The following AMBRA1 variants were observed in gnomAD, a reference collection of about 807,000 sequenced individuals.
AMBRA1 encodes activating molecule in BECN1-regulated autophagy protein 1.
A neutral mutation model predicts 125.4 loss-of-function variants in AMBRA1; 47 were observed. The ratio of observed to expected loss-of-function variants is 0.37; its 90% CI spans 0.30 to 0.48. The LOEUF is 0.48. AMBRA1 is among the 20% of genes least tolerant of loss of function. The pLI, the probability that AMBRA1 is intolerant of heterozygous loss-of-function variation, is 0.99. For missense variants in AMBRA1, 1,331 were observed against 1,693.4 expected (o/e 0.79, Z 3.76); for synonymous variants, 626 against 655.5 (o/e 0.95, Z 0.69).
At chr11:46,470,950 G>A (rs982063274) in intron 11 of AMBRA1, among the ~76,000 whole-genome samples, 1 of 152,154 alleles carries the variant, frequency 6.6e-6, no homozygotes, top group African/African-American at 2.4e-5. Flanking sequence ...TCACCATATA[G>A]TATGTTAAAT....
chr11:46,551,645 C>T (rs1324706193), intron 1 of AMBRA1, among the ~76,000 whole-genome samples: 3 of 152,216 alleles, frequency 2.0e-5, no homozygotes, highest in African/African-American at 4.8e-5. Context: ...CCAAGGTGGG[C>T]GGATCACCTG....
Position 46,508,300 on chromosome 11 carries a change from G to A in AMBRA1, c.2230C>T (p.Arg744Cys). 3.1e-6 allele frequency: 5 copies of A among 1,614,198 alleles called. No homozygotes were observed. Among genetic ancestry groups the A allele is most frequent in the African/African-American group, 1.3e-5 (1 of 75,056 alleles). The change falls in exon 9 of 18, where the codon CGC (arginine) becomes TGC (cysteine). Residue 744 changes from arginine to cysteine, a missense_variant. Transcript: ENST00000683756. ...YLSRRDSIRQ[R>C]SMRYQQNRLR... ...CGGTTCTGTTGGTAGCGCATGGAGC[G>A]CTGGCGAATACTGTCTCTCCGTGAG...
intron 16 of AMBRA1, 104 bp downstream of exon 16, chr11:46,410,172 G>T: frequency 1.0e-6 from 1 of 988,868 alleles, no homozygotes; most frequent in Non-Finnish European, 1.6e-6. Context: ...CTCTGGTTGA[G>T]GAGGGACCCA....
At position 46,397,373 on chromosome 11, in the gene AMBRA1, T is replaced by C; in HGVS notation, c.*77A>G. The C allele has an allele frequency of 4.9e-6, 7 of 1,416,560 alleles. No homozygotes were observed. Among genetic ancestry groups the C allele is most frequent in the Non-Finnish European group, 6.5e-6 (7 of 1,084,306 alleles). 87.7% of individuals were successfully genotyped at this position (1,416,560 alleles called of 1,614,324 possible). On this transcript the variant is annotated 3_prime_UTR_variant, in exon 18 of 18. Coordinates refer to ENST00000683756, the MANE Select transcript of AMBRA1 (RefSeq NM_001387011.1). ...TGATGCAGCCAGCAGCTCTTCCACATGTCCAGTTCCCAGTCAGCTGTGAGG... is the reference window on the plus strand; with the variant it reads ...TGATGCAGCCAGCAGCTCTTCCACACGTCCAGTTCCCAGTCAGCTGTGAGG...
intron 7 of AMBRA1, among the ~76,000 whole-genome samples, chr11:46,513,398 C>T (rs1197876278): frequency 6.6e-6 from 1 of 151,786 alleles, no homozygotes; most frequent in Non-Finnish European, 1.5e-5. Context: ...ATAATCTAGC[C>T]CAATAACAAA....
chr11:46,531,349 C>G (rs1160980765), intron 7 of AMBRA1, among the ~76,000 whole-genome samples: 1 of 152,208 alleles, frequency 6.6e-6, no homozygotes, highest in East Asian at 1.9e-4. Context: ...GCAGGGAACA[C>G]ACACAGAATT....
chr11:46,561,191 G>C (rs1050444006), intron 1 of AMBRA1, among the ~76,000 whole-genome samples: 3 of 152,106 alleles, frequency 2.0e-5, no homozygotes, highest in Non-Finnish European at 2.9e-5. Context: ...GACTAGCCTG[G>C]CCAACACGGT....
chr11:46,503,365 T>G (rs894591625), intron 9 of AMBRA1, among the ~76,000 whole-genome samples: 3 of 152,170 alleles, frequency 2.0e-5, no homozygotes, highest in African/African-American at 7.2e-5. Context: ...AGTCAAAATA[T>G]ATACAACATT....
Position 46,553,597 on chromosome 11 carries a change from T to C in AMBRA1, c.-120-5097A>G, listed in dbSNP as rs148887354. On this transcript the variant is annotated intron_variant, in intron 1 of 17. Transcript: ENST00000683756. The stretch of plus-strand genomic sequence containing the variant: ...CTGTCTCTACTAAAAATACAAAAAT[T>C]AGCCAGGCGTGGTAGCTCATGCCTG... Among the ~76,000 whole-genome samples the C allele has an allele frequency of 2.0e-4, 30 of 151,998 alleles. No individual in the cohort carries two copies. The East Asian group carries it at 3.9e-3, about 20-fold the overall frequency.
In AMBRA1 at chr11:46,547,463, T is replaced by C. The variant is rs2042861059; in HGVS notation, c.195-167A>G. On this transcript the variant is annotated intron_variant, in intron 3 of 17. Coordinates refer to ENST00000683756, the MANE Select transcript of AMBRA1 (RefSeq NM_001387011.1). ...TCTACAAACAGAAATATTCTGATCT[T>C]TAAAAGCTTTTGGCTTGTCCACACT... The C allele has an allele frequency of 6.2e-6, 4 of 644,140 alleles. 1 individual carries two copies. In the South Asian group the frequency reaches 1.0e-4, roughly 17 times the overall value. The allele number at this position is 644,140 out of a possible 1,614,324, so 39.9% of individuals were successfully genotyped here.
chr11:46,484,662 T>C (rs567922585), intron 11 of AMBRA1, among the ~76,000 whole-genome samples: 2 of 151,750 alleles, frequency 1.3e-5, no homozygotes, highest in East Asian at 1.9e-4. Flanking sequence ...TTTTTTTTTT[T>C]CTGAGATGGA....
At chr11:46,502,503 C>G (rs1950880320) in intron 9 of AMBRA1, among the ~76,000 whole-genome samples, 1 of 152,196 alleles carries the variant, frequency 6.6e-6, no homozygotes, top group South Asian at 2.1e-4. Flanking sequence ...AAGTTACCCC[C>G]TCTTCCTTGG....
intron 9 of AMBRA1, among the ~76,000 whole-genome samples, chr11:46,499,706 G>A (rs2135001530): frequency 6.6e-6 from 1 of 151,990 alleles, no homozygotes; most frequent in Middle Eastern, 3.4e-3. Context: ...ACCCAGGCTG[G>A]AGTGTAGTGG....
In AMBRA1 at chr11:46,493,610, G is replaced by C. The variant is rs375784286; in HGVS notation, c.2519C>G (p.Ala840Gly). The change falls in exon 11 of 18, where the codon GCA (alanine) becomes GGA (glycine). Residue 840 changes from alanine (A) to glycine (G), a missense_variant and splice_region_variant. This residue lies in a region of AMBRA1 where 354 missense variants were observed against 532.7 expected (regional missense o/e 0.66). Transcript: ENST00000683756. Reference sequence around the variant, plus strand: ...AAGCCAAAGAAACATTTCCTTACCTGCCAGGACCCTGTTAACAGAAGAGTG... The same window carrying C: ...AAGCCAAAGAAACATTTCCTTACCTCCCAGGACCCTGTTAACAGAAGAGTG... ...ATHSSVNRVL[A>G]GAVIGDGQSA... 2.5e-6 allele frequency: 4 copies of C among 1,602,720 alleles called. No individual in the cohort carries two copies. In the African/African-American group the frequency reaches 5.4e-5, roughly 22 times the overall value.
At chr11:46,408,264 T>C (rs958536261) in intron 17 of AMBRA1, among the ~76,000 whole-genome samples, 1 of 152,152 alleles carries the variant, frequency 6.6e-6, no homozygotes, top group Non-Finnish European at 1.5e-5. Flanking sequence ...TTCTGTGCTC[T>C]CTCTTTGGAA....
In AMBRA1 at chr11:46,591,941, A is replaced by ATTTTTTT. The variant is rs1167665024; in HGVS notation, c.-121+1880_-121+1886dup. Among the ~76,000 whole-genome samples the ATTTTTTT allele has an allele frequency of 2.6e-5, 3 of 115,132 alleles. 1 individual carries two copies. Among genetic ancestry groups the ATTTTTTT allele is most frequent in the African/African-American group, 1.1e-4 (3 of 27,148 alleles). The allele number at this position is 115,132 out of a possible 152,430, so 75.5% of individuals were successfully genotyped here. On this transcript the variant is annotated intron_variant, in intron 1 of 17. Coordinates refer to ENST00000683756, the MANE Select transcript of AMBRA1 (RefSeq NM_001387011.1). ...CCAACCCAGAATGACCTCAAGACTG[A>ATTTTTTT]TTTTTTTTTTTTTTTTTTTTTGAGA...
At chr11:46,575,651 G>A (rs2043936416) in intron 1 of AMBRA1, among the ~76,000 whole-genome samples, 3 of 151,624 alleles carry the variant, frequency 2.0e-5, no homozygotes, top group African/African-American at 7.3e-5. Flanking sequence ...CAAGCAGCTG[G>A]GAATACAAGT....
intron 14 of AMBRA1, among the ~76,000 whole-genome samples, chr11:46,420,755 G>A (rs996243329): frequency 6.6e-6 from 1 of 152,190 alleles, no homozygotes; most frequent in Non-Finnish European, 1.5e-5. Context: ...GGGTGCATGA[G>A]GGGAGCACCT....
intron 11 of AMBRA1, among the ~76,000 whole-genome samples, chr11:46,457,024 C>G (rs1156508281): frequency 6.6e-6 from 1 of 152,236 alleles, no homozygotes; most frequent in Middle Eastern, 3.2e-3. Context: ...AATTATTGCT[C>G]TATGAGCCTA....
Sources: gnomAD v4.1 joint callset for allele counts (sites outside exome capture counted in the v4.1 genomes callset) on GRCh38, gnomAD v4.1.1 for gene constraint, gnomAD v4.1.1 regional missense constraint, MANE v1.5 for transcripts, NCBI Gene and HGNC (gene_info 2026-07-23, HGNC 2026-07-21) for gene names.